Variants in TENM2 observed in about 807,000 individuals in gnomAD.
TENM2 encodes the protein teneurin-2.
In TENM2, 52 loss-of-function variants were observed where a neutral mutation model predicts 245.2. That is an observed-to-expected ratio of 0.21 (90% CI 0.17 to 0.27). TENM2 has a LOEUF of 0.27. Among genes scored for constraint, TENM2 ranks in the 10% least tolerant of loss-of-function variants. The probability of loss-of-function intolerance (pLI) is 1.00; values close to 1 mark genes in which losing one functional copy is unlikely to be tolerated. For missense variants in TENM2, 3,046 were observed against 3,666.8 expected, an observed-to-expected ratio of 0.83 and a Z score of 4.37; for synonymous variants, 1,363 against 1,438.9, an observed-to-expected ratio of 0.95 and a Z score of 1.19.
the TENM2 span, among the ~76,000 whole-genome samples, chr5:167,014,494 C>T: frequency 1.1e-4 from 17 of 152,076 alleles, no homozygotes; most frequent in East Asian, 3.9e-4. Flanking sequence ...GAAAGATGAT[C>T]GTGTTGGCAG....
intron 2 of TENM2, among the ~76,000 whole-genome samples, chr5:167,866,165 C>T (rs1424301394): frequency 6.6e-6 from 1 of 152,160 alleles, no homozygotes; most frequent in Non-Finnish European, 1.5e-5. Context: ...GAAGGTTGTT[C>T]TTGAGATGAG....
intron 2 of TENM2, among the ~76,000 whole-genome samples, chr5:167,616,051 G>T (rs1777771300): frequency 6.6e-6 from 1 of 152,102 alleles, no homozygotes. Context: ...TTGTTTTGGT[G>T]CCCATTTGGG....
At chr5:167,137,174 G>T in the TENM2 span, among the ~76,000 whole-genome samples, 9 of 152,022 alleles carry the variant, frequency 5.9e-5, no homozygotes, top group Admixed American at 5.9e-4. Context: ...CTTCCCAAAG[G>T]TTCAAATATT....
At chr5:167,378,700 G>T (rs996084683) in intron 2 of TENM2, among the ~76,000 whole-genome samples, 11 of 151,882 alleles carry the variant, frequency 7.2e-5, no homozygotes, top group African/African-American at 2.4e-4. Context: ...TCCTCTCTAA[G>T]GCCATTTGTA....
intron 2 of TENM2, among the ~76,000 whole-genome samples, chr5:167,573,648 TCTC>T (rs899158903): frequency 1.3e-5 from 2 of 151,994 alleles, no homozygotes; most frequent in African/African-American, 4.8e-5. Flanking sequence ...TCTCCTCTCT[TCTC>T]TGTTCTTACA....
At position 167,505,786 on chromosome 5, in the gene TENM2, T is replaced by G. The variant is rs535547610; in HGVS notation, c.502+130313T>G. On this transcript the variant is annotated intron_variant, in intron 2 of 28. Coordinates refer to ENST00000518659, the Ensembl canonical transcript of TENM2. Reference sequence around the variant, plus strand: ...CCCACATAAGTTGTATAATTACTAGTGTGACATTGTATGAAGGAAAATGAA... The same window carrying G: ...CCCACATAAGTTGTATAATTACTAGGGTGACATTGTATGAAGGAAAATGAA... Among the ~76,000 whole-genome samples, 12 of 152,256 alleles carry G rather than the reference T, an allele frequency of 7.9e-5. No individual in the cohort carries two copies. The South Asian group carries it at 2.3e-3, about 29-fold the overall frequency.
chr5:167,643,279 C>T (rs746171416), intron 2 of TENM2, among the ~76,000 whole-genome samples: 1 of 152,156 alleles, frequency 6.6e-6, no homozygotes, highest in East Asian at 1.9e-4. Flanking sequence ...CCACACCCCG[C>T]CCTAGGCAAT....
the TENM2 span, among the ~76,000 whole-genome samples, chr5:167,142,913 G>A: frequency 6.6e-6 from 1 of 152,160 alleles, no homozygotes; most frequent in African/African-American, 2.4e-5. Context: ...AGAAGAGTGA[G>A]GAATTAACAG....
intron 7 of TENM2, among the ~76,000 whole-genome samples, chr5:168,069,925 G>C (rs536611026): frequency 6.6e-6 from 1 of 152,204 alleles, no homozygotes; most frequent in South Asian, 2.1e-4. Flanking sequence ...TAAACACGGA[G>C]GCAGAGAAAA....
chr5:167,857,576 C>G (rs1771207518), intron 2 of TENM2, among the ~76,000 whole-genome samples: 1 of 152,148 alleles, frequency 6.6e-6, no homozygotes, highest in South Asian at 2.1e-4. Flanking sequence ...CCCATACCAT[C>G]TCATACTGCA....
At chr5:167,017,153 T>TA in the TENM2 span, among the ~76,000 whole-genome samples, 1 of 152,182 alleles carries the variant, frequency 6.6e-6, no homozygotes, top group African/African-American at 2.4e-5. Context: ...GGACTCTGGG[T>TA]AAAAATCTGT....
chr5:167,511,679 A>G (rs1769966197), intron 2 of TENM2, among the ~76,000 whole-genome samples: 2 of 152,192 alleles, frequency 1.3e-5, no homozygotes, highest in African/African-American at 4.8e-5. Flanking sequence ...ACTGCCTGAT[A>G]TGCCTGGTAG....
At chr5:167,079,729 C>T in the TENM2 span, among the ~76,000 whole-genome samples, 3 of 152,266 alleles carry the variant, frequency 2.0e-5, no homozygotes, top group African/African-American at 4.8e-5. Context: ...AGTTTATCTT[C>T]GAACTTCTTG....
chr5:167,209,183 G>C, the TENM2 span, among the ~76,000 whole-genome samples: 2 of 152,146 alleles, frequency 1.3e-5, no homozygotes, highest in African/African-American at 4.8e-5. Context: ...TCGCTACTGT[G>C]AGGAATAAAT....
intron 3 of TENM2, among the ~76,000 whole-genome samples, chr5:167,902,557 C>A (rs1213318502): frequency 6.6e-6 from 1 of 152,162 alleles, no homozygotes; most frequent in Non-Finnish European, 1.5e-5. Flanking sequence ...GAGGATTAAT[C>A]CGTCCTATGG....
At position 168,181,430 on chromosome 5, in the gene TENM2, A is replaced by C. The variant is rs145179182; in HGVS notation, c.2570-8907A>C. 7.6e-3 allele frequency among the ~76,000 whole-genome samples: 1,152 copies of C among 152,172 alleles called. 14 individuals carry two copies. The highest frequency in any genetic ancestry group is 0.026 in the African/African-American group (1,083 of 41,510). On this transcript the variant is annotated intron_variant, in intron 13 of 28. Transcript: ENST00000518659. ...AAGCAGCCCGTGCTTTTTTTCCCAC[A>C]TCCATCCTAAAGAGTAGAAAAGCCA...
intron 1 of TENM2, among the ~76,000 whole-genome samples, chr5:167,333,915 T>C (rs569396120): frequency 1.3e-5 from 2 of 152,322 alleles, no homozygotes; most frequent in African/African-American, 2.4e-5. Flanking sequence ...AATGGAGTTA[T>C]AATGAAGACA....
At position 168,000,242 on chromosome 5, in the gene TENM2, G is replaced by C. The variant is rs535858622; in HGVS notation, c.1186+7060G>C. Among the ~76,000 whole-genome samples the C allele has an allele frequency of 2.0e-5, 3 of 152,340 alleles. No individual in the cohort carries two copies. In the East Asian group the frequency reaches 5.8e-4, roughly 29 times the overall value. On this transcript the variant is annotated intron_variant, in intron 5 of 28. Transcript: ENST00000518659. ...ATCTTTCGTTGGTTCATTGATTTGT[G>C]CTTGGGGTTTCCTGATTGAGGATTC... is the stretch of plus-strand genomic sequence containing the variant.
chr5:168,203,644 A>G (rs1762109758), intron 17 of TENM2, 45 bp from the exon 20 acceptor site: 1 of 1,528,632 alleles, frequency 6.5e-7, no homozygotes, highest in Non-Finnish European at 8.9e-7. Flanking sequence ...AATCAAGTAA[A>G]CTCTCTCTTT....
Sources: gnomAD v4.1 joint callset for allele counts (sites outside exome capture counted in the v4.1 genomes callset) on GRCh38, gnomAD v4.1.1 for gene constraint, MANE v1.5 for transcripts, NCBI Gene and HGNC (gene_info 2026-07-23, HGNC 2026-07-21) for gene names.